Variants in PTN observed in about 807,000 individuals in gnomAD.
PTN encodes heparin affin regulatory protein.
A neutral mutation model predicts 24.1 loss-of-function variants in PTN; 18 were observed. The observed-to-expected ratio is 0.75, with a 90% CI of 0.52 to 1.11. PTN has a LOEUF of 1.11. Among genes scored for constraint, PTN ranks in the 50% least tolerant of loss-of-function variants. The probability of loss-of-function intolerance (pLI) is 0.00; values close to 1 mark genes in which losing one functional copy is unlikely to be tolerated. For missense variants in PTN, 163 were observed against 198.8 expected, an observed-to-expected ratio of 0.82 and a Z score of 1.08; for synonymous variants, 78 against 68.6, an observed-to-expected ratio of 1.14 and a Z score of -0.67.
chr7:137,333,264 C>T (rs551934112), intron 1 of PTN, among the ~76,000 whole-genome samples: 1 of 152,158 alleles, frequency 6.6e-6, no homozygotes, highest in African/African-American at 2.4e-5. Flanking sequence ...ACTAGATGCC[C>T]AATCTGGAAA....
At chr7:137,302,455 A>T (rs190113351) in intron 1 of PTN, among the ~76,000 whole-genome samples, 1 of 152,144 alleles carries the variant, frequency 6.6e-6, no homozygotes, top group East Asian at 1.9e-4. Flanking sequence ...AGAAAAAATC[A>T]GAAGGATAGA....
chr7:137,295,966 A>C (rs144627107), intron 1 of PTN, among the ~76,000 whole-genome samples: 51 of 152,138 alleles, frequency 3.4e-4, no homozygotes, highest in African/African-American at 1.1e-3. Flanking sequence ...AAGGGTCACT[A>C]GTACCTTGAG....
rs372956446 is a variant in PTN, at chr7:137,327,940, G to A, written c.-2+15499C>T. Among the ~76,000 whole-genome samples the A allele has an allele frequency of 2.4e-4, 37 of 152,224 alleles. 2 individuals carry two copies. Among genetic ancestry groups the A allele is most frequent in the African/African-American group, 8.4e-4 (35 of 41,544 alleles). On this transcript the variant is annotated intron_variant, in intron 1 of 4. Transcript: ENST00000348225. ...ATATGAGAGGTTCTTGACTTCAGGC[G>A]GACACCTTGTTATTCAGCTACTGGA...
chr7:137,274,192 C>G (rs1247320577), intron 1 of PTN, among the ~76,000 whole-genome samples: 1 of 152,116 alleles, frequency 6.6e-6, no homozygotes, highest in Non-Finnish European at 1.5e-5. Flanking sequence ...CTGCCACACC[C>G]AATAGTGCCC....
chr7:137,242,633 A>T (rs1434089831), intron 4 of PTN, among the ~76,000 whole-genome samples: 1 of 152,244 alleles, frequency 6.6e-6, no homozygotes, highest in Non-Finnish European at 1.5e-5. Flanking sequence ...ATAACCCAAG[A>T]TACTAGAATG....
At chr7:137,301,367 A>G (rs1442394640) in intron 1 of PTN, among the ~76,000 whole-genome samples, 1 of 151,928 alleles carries the variant, frequency 6.6e-6, no homozygotes, top group Admixed American at 6.6e-5. Flanking sequence ...AAATGTTCAC[A>G]AATCCATCAG....
At chr7:137,306,248 A>G (rs577165972) in intron 1 of PTN, among the ~76,000 whole-genome samples, 1 of 152,194 alleles carries the variant, frequency 6.6e-6, no homozygotes, top group South Asian at 2.1e-4. Context: ...TTATTCACCC[A>G]TTATTATGAA....
chr7:137,287,329 A>G (rs984201955), intron 1 of PTN, among the ~76,000 whole-genome samples: 1 of 152,208 alleles, frequency 6.6e-6, no homozygotes, highest in African/African-American at 2.4e-5. Flanking sequence ...GTAAAAAGTA[A>G]TTTAAGTGGC....
chr7:137,246,644 A>C (rs1808728165), intron 4 of PTN, among the ~76,000 whole-genome samples: 1 of 152,224 alleles, frequency 6.6e-6, no homozygotes. Context: ...ATGGACATGC[A>C]TAAGTCATTG....
intron 1 of PTN, among the ~76,000 whole-genome samples, chr7:137,280,948 A>C (rs1180481030): frequency 6.6e-6 from 1 of 151,866 alleles, no homozygotes; most frequent in Non-Finnish European, 1.5e-5. Flanking sequence ...GAGGTGCTCC[A>C]TAGGGATTAG....
At chr7:137,342,545 GTGT>G (rs1810552075) in intron 1 of PTN, among the ~76,000 whole-genome samples, 1 of 148,066 alleles carries the variant, frequency 6.8e-6, no homozygotes, top group East Asian at 2.0e-4. Flanking sequence ...GTGTGTGTGT[GTGT>G]TGTGTCACAT....
intron 4 of PTN, among the ~76,000 whole-genome samples, chr7:137,242,385 C>T (rs562732123): frequency 6.6e-6 from 1 of 152,258 alleles, no homozygotes; most frequent in South Asian, 2.1e-4. Flanking sequence ...GATCTGGTAA[C>T]AGCAGCGTGT....
intron 1 of PTN, among the ~76,000 whole-genome samples, chr7:137,281,702 C>T (rs529558425): frequency 6.6e-5 from 10 of 152,070 alleles, no homozygotes; most frequent in Non-Finnish European, 1.5e-4. Flanking sequence ...GTATTTATAG[C>T]CCAACTTCTT....
intron 1 of PTN, among the ~76,000 whole-genome samples, chr7:137,316,248 A>G (rs566124775): frequency 6.6e-6 from 1 of 152,316 alleles, no homozygotes; most frequent in East Asian, 1.9e-4. Context: ...GGAACTTGTT[A>G]GAAATCAAAA....
intron 1 of PTN, among the ~76,000 whole-genome samples, chr7:137,306,300 G>A (rs1441492432): frequency 2.0e-5 from 3 of 151,990 alleles, no homozygotes; most frequent in Admixed American, 6.6e-5. Flanking sequence ...GCTTTGACAG[G>A]GTGACATCAC....
intron 1 of PTN, chr7:137,326,928 T>C (rs143059581): frequency 3.2e-4 from 47 of 148,428 alleles, no homozygotes; most frequent in African/African-American, 1.1e-3. Context: ...GCATTGCATA[T>C]TTTTAAATGA....
Position 137,227,889 on chromosome 7 carries a change from CTT to C in PTN, c.*129_*130del. ...AACGCTACTACAAAAATTTTCTTTT[CTT>C]TTTGTTTTTGCTTATTGTGTACTTA... On this transcript the variant is annotated 3_prime_UTR_variant, in exon 5 of 5. Coordinates refer to ENST00000348225, the MANE Select transcript of PTN (RefSeq NM_002825.7). The C allele has an allele frequency of 7.7e-7, 1 of 1,298,450 alleles. No homozygotes were observed. 80.4% of individuals were successfully genotyped at this position (1,298,450 alleles called of 1,614,324 possible).
intron 1 of PTN, among the ~76,000 whole-genome samples, chr7:137,273,227 T>C (rs1442177317): frequency 6.6e-6 from 1 of 152,226 alleles, no homozygotes; most frequent in East Asian, 1.9e-4. Context: ...AGAATAAAAA[T>C]GGCCTTGGTA....
intron 4 of PTN, among the ~76,000 whole-genome samples, chr7:137,232,820 T>C (rs1179372023): frequency 1.3e-5 from 2 of 151,914 alleles, no homozygotes; most frequent in East Asian, 1.9e-4. Context: ...TATTCTGTGA[T>C]AGTGAGTGAG....
Sources: gnomAD v4.1 joint callset for allele counts (sites outside exome capture counted in the v4.1 genomes callset) on GRCh38, gnomAD v4.1.1 for gene constraint, MANE v1.5 for transcripts, NCBI Gene and HGNC (gene_info 2026-07-23, HGNC 2026-07-21) for gene names.